FAM222B: variants seen among roughly 807,000 people sequenced by gnomAD.
FAM222B encodes the protein protein FAM222B.
A neutral mutation model predicts 38.0 loss-of-function variants in FAM222B; 12 were observed. The observed-to-expected ratio is 0.32, with a 90% CI of 0.20 to 0.51. The LOEUF is 0.51. FAM222B is among the 20% of genes least tolerant of loss of function. The probability of loss-of-function intolerance (pLI) is 0.97; values close to 1 mark genes in which losing one functional copy is unlikely to be tolerated. For missense variants in FAM222B, 716 were observed against 754.2 expected (o/e 0.95, Z 0.59); for synonymous variants, 329 against 317.2 (o/e 1.04, Z -0.40).
intron 1 of FAM222B, among the ~76,000 whole-genome samples, chr17:28,799,250 GGTGTGA>G (rs1376291124): frequency 6.7e-6 from 1 of 150,214 alleles, no homozygotes; most frequent in Non-Finnish European, 1.5e-5. Flanking sequence ...TGGGATTACA[GGTGTGA>G]GCCACCGCGA....
intron 1 of FAM222B, among the ~76,000 whole-genome samples, chr17:28,804,483 C>T (rs183222108): frequency 7.4e-4 from 112 of 152,054 alleles, no homozygotes; most frequent in Middle Eastern, 3.4e-3. Flanking sequence ...TACAGGCACG[C>T]GCCACCACGC....
At chr17:28,848,489 G>A (rs1243660496) in intron 1 of FAM222B, among the ~76,000 whole-genome samples, 3 of 152,090 alleles carry the variant, frequency 2.0e-5, no homozygotes, top group Non-Finnish European at 4.4e-5. Flanking sequence ...GCCCGGGCAC[G>A]GTGGCTCACG....
At chr17:28,820,592 T>C (rs2038175613) in intron 1 of FAM222B, among the ~76,000 whole-genome samples, 1 of 152,098 alleles carries the variant, frequency 6.6e-6, no homozygotes, top group Non-Finnish European at 1.5e-5. Context: ...TACCATAAGG[T>C]GGAATTCATT....
chr17:28,841,273 G>A (rs1054868807), intron 1 of FAM222B, among the ~76,000 whole-genome samples: 6 of 152,182 alleles, frequency 3.9e-5, no homozygotes, highest in African/African-American at 1.4e-4. Flanking sequence ...CCTGCCTGGC[G>A]ACAGAGCGAG....
intron 1 of FAM222B, among the ~76,000 whole-genome samples, chr17:28,802,124 T>A (rs2037263316): frequency 6.7e-6 from 1 of 148,900 alleles, no homozygotes; most frequent in Admixed American, 6.7e-5. Flanking sequence ...AGTCTTACTC[T>A]GTGGCCCAGG....
At position 28,759,115 on chromosome 17, in the gene FAM222B, T is replaced by C. The variant is rs1458765691; in HGVS notation, c.844A>G (p.Ile282Val). The part of the protein sequence containing the change: ...INQFCQTRAG[I>V]STTSVCEGQI... ...CCCTCACACACTGAGGTAGTGCTGA[T>C]GCCTGCCCTCGTCTGGCAAAACTGG... Residue 282 changes from isoleucine (I) to valine (V), a missense_variant, in exon 3 of 3, where the codon ATC becomes GTC. Transcript: ENST00000581407. This position sits in a 1 kb window ranked among gnomAD's most constrained non-coding sequence, Gnocchi z 4.8. 2 of 1,611,756 alleles carry C rather than the reference T, an allele frequency of 1.2e-6. No homozygotes were observed. Among genetic ancestry groups the C allele is most frequent in the African/African-American group, 2.7e-5 (2 of 74,918 alleles).
intron 1 of FAM222B, among the ~76,000 whole-genome samples, chr17:28,796,041 ACTT>A (rs2036925084): frequency 6.6e-6 from 1 of 152,160 alleles, no homozygotes; most frequent in Non-Finnish European, 1.5e-5. Context: ...CAATGCTTTG[ACTT>A]CTTGTCTAAA....
In FAM222B at chr17:28,759,976, G is replaced by T. The variant is rs1034154283; in HGVS notation, c.83-100C>A. On this transcript the variant is annotated intron_variant, in intron 2 of 2. Transcript: ENST00000581407. The surrounding 1 kb of genome is among the most constrained non-coding windows in gnomAD (Gnocchi z 4.8). Reference sequence around the variant, plus strand: ...GATTCCCCTTTTGAGGGCCTGGGGTGGGGTGGGGAAATGACTAGATTGTCA... The same window carrying T: ...GATTCCCCTTTTGAGGGCCTGGGGTTGGGTGGGGAAATGACTAGATTGTCA... The T allele has an allele frequency of 5.7e-6, 7 of 1,219,608 alleles. No individual in the cohort carries two copies. Among genetic ancestry groups the T allele is most frequent in the South Asian group, 3.2e-5 (2 of 62,630 alleles). 75.5% of individuals were successfully genotyped at this position (1,219,608 alleles called of 1,614,324 possible). A position where few individuals can be genotyped will look rare whatever the true frequency, so the allele number is the denominator to read the frequency against.
At chr17:28,806,505 T>A (rs2037503299) in intron 1 of FAM222B, among the ~76,000 whole-genome samples, 1 of 152,164 alleles carries the variant, frequency 6.6e-6, no homozygotes, top group African/African-American at 2.4e-5. Context: ...TGCACACCTG[T>A]AGTCCCTTCG....
At chr17:28,834,345 AC>A (rs1447504459) in intron 1 of FAM222B, 3 of 151,956 alleles carry the variant, frequency 2.0e-5, no homozygotes, top group Non-Finnish European at 4.4e-5. Context: ...TAAAATTCAG[AC>A]CCCTTACTAA....
chr17:28,825,631 T>G (rs901020141), intron 1 of FAM222B, among the ~76,000 whole-genome samples: 1 of 152,084 alleles, frequency 6.6e-6, no homozygotes. Flanking sequence ...TGCACTATAA[T>G]GTTTGATCTG....
Position 28,758,455 on chromosome 17 carries a change from C to A in FAM222B, c.1504G>T (p.Gly502Cys). 3 of 1,613,588 alleles carry A rather than the reference C, an allele frequency of 1.9e-6. No individual in the cohort carries two copies. Among genetic ancestry groups the A allele is most frequent in the Non-Finnish European group, 2.5e-6 (3 of 1,179,734 alleles). The change falls in exon 3 of 3, where the codon GGT becomes TGT. Residue 502 changes from glycine (G) to cysteine (C), a missense_variant. Physicochemically the swap from Gly to Cys is radical, Grantham distance 159. Coordinates refer to ENST00000581407, the MANE Select transcript of FAM222B (RefSeq NM_001077498.3). The stretch of plus-strand genomic sequence containing the variant: ...AAGCTGTTCTGGCTTGCCACTGGAC[C>A]GCCCCCGGTCCCTGCTCGGTAGTGG... ...GAHYRAGTGG[G>C]PVASQNSLMQ...
At chr17:28,815,510 G>A (rs899331673) in intron 1 of FAM222B, among the ~76,000 whole-genome samples, 15 of 150,446 alleles carry the variant, frequency 1.0e-4, no homozygotes, top group African/African-American at 3.4e-4. Flanking sequence ...CACCGTGCCC[G>A]GCCTTTATTA....
At chr17:28,831,407 A>G (rs1463986081) in intron 1 of FAM222B, among the ~76,000 whole-genome samples, 1 of 151,620 alleles carries the variant, frequency 6.6e-6, no homozygotes, top group African/African-American at 2.4e-5. Flanking sequence ...ATCAGATAGT[A>G]TGAGTCTTCC....
chr17:28,793,356 T>C (rs1352086876), intron 1 of FAM222B, among the ~76,000 whole-genome samples: 2 of 152,108 alleles, frequency 1.3e-5, no homozygotes, highest in Non-Finnish European at 2.9e-5. Context: ...TCTTCCAGAG[T>C]GTTAACCGTT....
intron 1 of FAM222B, among the ~76,000 whole-genome samples, chr17:28,841,467 C>G (rs371143840): frequency 1.3e-5 from 2 of 151,994 alleles, no homozygotes; most frequent in African/African-American, 4.8e-5. Context: ...CTCTGCCTCC[C>G]GGGTTCGAGT....
intron 2 of FAM222B, among the ~76,000 whole-genome samples, chr17:28,760,594 A>C (rs1193643731): frequency 6.6e-6 from 1 of 151,862 alleles, no homozygotes; most frequent in Non-Finnish European, 1.5e-5. Context: ...AAAGAAAAAA[A>C]AAAAAGAGAG....
At chr17:28,818,444 C>T (rs925879238) in intron 1 of FAM222B, among the ~76,000 whole-genome samples, 1 of 151,374 alleles carries the variant, frequency 6.6e-6, no homozygotes, top group Non-Finnish European at 1.5e-5. Flanking sequence ...AGGAGAATGG[C>T]GTGAACCTGG....
chr17:28,798,356 C>A (rs1364944908), intron 1 of FAM222B, among the ~76,000 whole-genome samples: 2 of 151,802 alleles, frequency 1.3e-5, no homozygotes, highest in African/African-American at 4.8e-5. Flanking sequence ...CACTCCAGCC[C>A]GGGCAAACAG....
Sources: gnomAD v4.1 joint callset for allele counts (sites outside exome capture counted in the v4.1 genomes callset) on GRCh38, gnomAD v4.1.1 for gene constraint, Gnocchi (gnomAD v3.1) non-coding constraint, MANE v1.5 for transcripts, NCBI Gene and HGNC (gene_info 2026-07-23, HGNC 2026-07-21) for gene names.